The following PNPLA8 variants were observed in gnomAD, a reference collection of about 807,000 sequenced individuals.
PNPLA8 encodes patatin like domain 8, phospholipase A2, also known as calcium-independent phospholipase A2-gamma.
PNPLA8 carries 39 observed loss-of-function variants against 76.9 expected under a neutral mutation model. That is an observed-to-expected ratio of 0.51 (90% CI 0.39 to 0.66). PNPLA8 has a LOEUF of 0.66. PNPLA8 is among the 30% of genes least tolerant of loss of function. PNPLA8 has a pLI of 0.00. For missense variants in PNPLA8, 887 were observed against 918.0 expected (o/e 0.97, Z 0.44); for synonymous variants, 301 against 307.9 (o/e 0.98, Z 0.24).
chr7:108,476,579 G>T (rs1198086464), intron 10 of PNPLA8, among the ~76,000 whole-genome samples: 23 of 152,164 alleles, frequency 1.5e-4, no homozygotes, highest in Admixed American at 1.3e-3. Context: ...ACAGTATGGA[G>T]GTTCCTCAAA....
chr7:108,511,006 G>C (rs532067747), intron 4 of PNPLA8: 3 of 1,278,866 alleles, frequency 2.3e-6, no homozygotes, highest in South Asian at 2.4e-5. Context: ...TCTCTAAGCT[G>C]GTTGGTTAAT....
intron 9 of PNPLA8, among the ~76,000 whole-genome samples, chr7:108,481,383 C>G (rs935152173): frequency 1.3e-5 from 2 of 152,196 alleles, no homozygotes; most frequent in African/African-American, 4.8e-5. Flanking sequence ...TGGTACTGTC[C>G]GTATTATTTT....
chr7:108,477,203 G>C (rs1435154471), intron 10 of PNPLA8, among the ~76,000 whole-genome samples: 1 of 152,072 alleles, frequency 6.6e-6, no homozygotes, highest in African/African-American at 2.4e-5. Context: ...CTGGATTGTG[G>C]GAATCATTAC....
In PNPLA8 at chr7:108,518,720, AATATATATATATATATAT is replaced by A. The variant is rs148834592; in HGVS notation, c.-84+2738_-84+2755del. On this transcript the variant is annotated intron_variant, in intron 2 of 10. Coordinates refer to ENST00000257694, the MANE Select transcript of PNPLA8 (RefSeq NM_001256007.3). ...GTTCTATATAAGCTATATGCACATGAATATATATATATATATATATATATATATATATATATATACACA... is the reference window on the plus strand; with the variant it reads ...GTTCTATATAAGCTATATGCACATGAATATATATATATATATATATACACA... 7.5e-4 allele frequency among the ~76,000 whole-genome samples: 93 copies of A among 123,950 alleles called. 1 individual carries two copies. Among genetic ancestry groups the A allele is most frequent in the South Asian group, 8.4e-4 (3 of 3,584 alleles). The allele number at this position is 123,950 out of a possible 152,430, so 81.3% of individuals were successfully genotyped here. A position where few individuals can be genotyped will look rare whatever the true frequency, so the allele number is the denominator to read the frequency against.
At position 108,470,732 on chromosome 7, in the gene PNPLA8, T is replaced by C. The variant is rs905558003; in HGVS notation, c.*1669A>G. The C allele has an allele frequency of 1.3e-5, 2 of 152,230 alleles. No individual in the cohort carries two copies. The highest frequency in any genetic ancestry group is 2.4e-5 in the African/African-American group (1 of 41,464). 9.4% of individuals were successfully genotyped at this position (152,230 alleles called of 1,614,324 possible). On this transcript the variant is annotated 3_prime_UTR_variant, in exon 11 of 11. Coordinates refer to ENST00000257694, the MANE Select transcript of PNPLA8 (RefSeq NM_001256007.3). ...AGAACTATATTATCTTTAGAAATCA[T>C]TGGTAGTTTCCTATTTTATACTATG...
At chr7:108,490,275 C>T (rs913563057) in intron 8 of PNPLA8, among the ~76,000 whole-genome samples, 1 of 152,132 alleles carries the variant, frequency 6.6e-6, no homozygotes, top group African/African-American at 2.4e-5. Flanking sequence ...TAAGTACACT[C>T]TATAACACAG....
intron 4 of PNPLA8, among the ~76,000 whole-genome samples, chr7:108,505,470 C>T (rs1346629773): frequency 6.9e-6 from 1 of 145,270 alleles, no homozygotes; most frequent in East Asian, 2.2e-4. Context: ...TCAAGCCATT[C>T]TCCTGCCTCA....
intron 4 of PNPLA8, 33 bp from the exon 5 acceptor site, chr7:108,502,675 T>A: frequency 6.5e-7 from 1 of 1,549,390 alleles, no homozygotes; most frequent in Non-Finnish European, 8.9e-7. Context: ...TTGTTGCTTT[T>A]GTCAAATCAA....
chr7:108,495,294 A>C (rs1329064707), intron 7 of PNPLA8, among the ~76,000 whole-genome samples: 2 of 152,198 alleles, frequency 1.3e-5, no homozygotes, highest in Admixed American at 6.5e-5. Context: ...GAGTATCTGA[A>C]GTATCCTTTT....
intron 4 of PNPLA8, chr7:108,510,687 T>G: frequency 1.3e-6 from 2 of 1,599,092 alleles, no homozygotes; most frequent in Non-Finnish European, 8.5e-7. Context: ...GTAAATGAAC[T>G]AATCTACAAG....
At chr7:108,500,045 T>A (rs1482169395) in intron 5 of PNPLA8, among the ~76,000 whole-genome samples, 2 of 152,202 alleles carry the variant, frequency 1.3e-5, no homozygotes, top group African/African-American at 4.8e-5. Context: ...AATAACATAT[T>A]TTTGTTTTTC....
chr7:108,523,372 A>C (rs1863876009), intron 1 of PNPLA8, among the ~76,000 whole-genome samples: 1 of 151,634 alleles, frequency 6.6e-6, no homozygotes, highest in African/African-American at 2.4e-5. Context: ...TCCTTATCTG[A>C]GGAATTCAGA....
At chr7:108,496,872 C>G in intron 6 of PNPLA8, 117 bp from the exon 7 acceptor site, 1 of 752,550 alleles carries the variant, frequency 1.3e-6, no homozygotes, top group Middle Eastern at 3.0e-4. Flanking sequence ...AGCTATGTCA[C>G]CTGGGACAAA....
At chr7:108,485,376 A>C (rs369553747) in intron 9 of PNPLA8, among the ~76,000 whole-genome samples, 2 of 152,096 alleles carry the variant, frequency 1.3e-5, no homozygotes, top group African/African-American at 4.8e-5. Context: ...CTTATAGTCA[A>C]AGGCAAATGA....
chr7:108,527,274 T>C (rs963197036), upstream of PNPLA8, among the ~76,000 whole-genome samples: 4 of 152,240 alleles, frequency 2.6e-5, no homozygotes, highest in African/African-American at 9.6e-5. Context: ...TTGTGTTGTT[T>C]TGATTTTTTT....
At chr7:108,504,166 C>A (rs1862162853) in intron 4 of PNPLA8, among the ~76,000 whole-genome samples, 1 of 152,036 alleles carries the variant, frequency 6.6e-6, no homozygotes, top group Admixed American at 6.6e-5. Context: ...CACTCAAATG[C>A]CAAACAGAAG....
chr7:108,526,003 G>A lies in PNPLA8; in HGVS notation c.-130+26C>T. 3.1e-6 allele frequency: 3 copies of A among 965,256 alleles called. No homozygotes were observed. The South Asian group carries it at 1.4e-4, about 46-fold the overall frequency. The allele number at this position is 965,256 out of a possible 1,614,324, so 59.8% of individuals were successfully genotyped here. On this transcript the variant is annotated intron_variant, in intron 1 of 10. Transcript: ENST00000257694. ...CGATCAACCAGCCTCCTATCGTCCC[G>A]CCCCTGTCCCCTCGCGGCTACTTAC...
chr7:108,509,967 A>T (rs1862771422), intron 4 of PNPLA8, among the ~76,000 whole-genome samples: 2 of 138,360 alleles, frequency 1.4e-5, no homozygotes, highest in African/African-American at 2.8e-5. Context: ...CATAGATGGG[A>T]ATTGAACAAT....
Position 108,526,079 on chromosome 7 carries a change from C to G in PNPLA8, c.-180G>C, listed in dbSNP as rs747052300. 1.0e-6 allele frequency: 1 copy of G among 985,694 alleles called. No homozygotes were observed. Among genetic ancestry groups the G allele is most frequent in the Non-Finnish European group, 1.2e-6 (1 of 830,052 alleles). 61.1% of individuals were successfully genotyped at this position (985,694 alleles called of 1,614,324 possible). A position where few individuals can be genotyped will look rare whatever the true frequency, so the allele number is the denominator to read the frequency against. On this transcript the variant is annotated 5_prime_UTR_variant, in exon 1 of 11. Transcript: ENST00000257694. The stretch of plus-strand genomic sequence containing the variant: ...GCTGCAGCGGCGACTCGCTCGTTCC[C>G]GGCAATGACGTCCACTCCAACCGGC...
Sources: allele counts gnomAD v4.1 joint callset (sites outside exome capture counted in the v4.1 genomes callset), GRCh38; gene constraint gnomAD v4.1.1; transcripts MANE v1.5; gene names NCBI Gene and HGNC (gene_info 2026-07-23, HGNC 2026-07-21).